Variants in CDK13 observed in about 807,000 individuals in gnomAD.
The protein encoded by CDK13 is cyclin-dependent kinase 13.
A neutral mutation model predicts 137.6 loss-of-function variants in CDK13; 40 were observed. The ratio of observed to expected loss-of-function variants is 0.29; its 90% CI spans 0.23 to 0.38. The LOEUF is 0.38. CDK13 is among the 10% of genes least tolerant of loss of function. The pLI is 1.00. For missense variants in CDK13, 1,704 were observed against 1,951.8 expected (o/e 0.87, Z 2.39); for synonymous variants, 869 against 760.1 (o/e 1.14, Z -2.36).
intron 12 of CDK13, among the ~76,000 whole-genome samples, chr7:40,088,737 T>C (rs951202474): frequency 1.3e-5 from 2 of 152,134 alleles, no homozygotes; most frequent in African/African-American, 4.8e-5. Context: ...ATTTATAGCG[T>C]CCTCATGTCA....
chr7:39,994,988 A>G (rs1220311055), intron 2 of CDK13, among the ~76,000 whole-genome samples: 2 of 151,336 alleles, frequency 1.3e-5, no homozygotes, highest in Non-Finnish European at 2.9e-5. Flanking sequence ...AGACAGCTTT[A>G]TAATATTAGT....
At chr7:40,019,275 T>C (rs1785065302) in intron 5 of CDK13, among the ~76,000 whole-genome samples, 1 of 152,248 alleles carries the variant, frequency 6.6e-6, no homozygotes, top group Non-Finnish European at 1.5e-5. Flanking sequence ...TGCAGCTTAT[T>C]ATTGTCACTT....
intron 6 of CDK13, among the ~76,000 whole-genome samples, chr7:40,047,049 T>G (rs1042741120): frequency 1.3e-5 from 2 of 150,180 alleles, no homozygotes; most frequent in Non-Finnish European, 3.0e-5. Flanking sequence ...AATAATAGTC[T>G]GTAATGCATA....
intron 1 of CDK13, among the ~76,000 whole-genome samples, chr7:39,959,401 T>C (rs1301955811): frequency 6.6e-6 from 1 of 151,984 alleles, no homozygotes; most frequent in Admixed American, 6.6e-5. Context: ...CCTCAGGTGA[T>C]CCACCCGCTT....
chr7:40,013,319 G>C (rs1003328005), intron 5 of CDK13, among the ~76,000 whole-genome samples: 1 of 152,132 alleles, frequency 6.6e-6, no homozygotes, highest in African/African-American at 2.4e-5. Flanking sequence ...AAGAGTTGTG[G>C]AGAGGGGTGG....
intron 5 of CDK13, among the ~76,000 whole-genome samples, chr7:40,033,802 G>C (rs1053002205): frequency 6.6e-6 from 1 of 152,178 alleles, no homozygotes; most frequent in Non-Finnish European, 1.5e-5. Context: ...TAGTGAACCT[G>C]TGTCCCTGGT....
intron 1 of CDK13, among the ~76,000 whole-genome samples, chr7:39,976,323 T>TCTCTCTCTCTCGCTCTCACA: frequency 2.5e-5 from 1 of 39,548 alleles, no homozygotes; most frequent in Non-Finnish European, 5.8e-5. Context: ...TCTCTCTCTC[T>TCTCTCTCTCTCGCTCTCACA]CACACACACA....
At chr7:40,047,189 A>C (rs1439183320) in intron 6 of CDK13, among the ~76,000 whole-genome samples, 2 of 152,196 alleles carry the variant, frequency 1.3e-5, no homozygotes, top group East Asian at 1.9e-4. Context: ...AAGCAGTCAC[A>C]GTTGTAAAGT....
At chr7:39,952,453 G>T (rs1245525914) in intron 1 of CDK13, 1 of 152,166 alleles carries the variant, frequency 6.6e-6, no homozygotes, top group African/African-American at 2.4e-5. Context: ...GTTAAAAAAG[G>T]TATCTATTTA....
intron 5 of CDK13, among the ~76,000 whole-genome samples, chr7:40,028,259 G>A (rs1160655342): frequency 1.4e-5 from 2 of 141,806 alleles, no homozygotes; most frequent in Non-Finnish European, 3.0e-5. Context: ...TCACTCTGTC[G>A]CCAGGCTGGA....
chr7:40,000,384 A>C (rs1784657766), intron 4 of CDK13, among the ~76,000 whole-genome samples: 1 of 152,056 alleles, frequency 6.6e-6, no homozygotes, highest in Non-Finnish European at 1.5e-5. Context: ...ATAAAATAAA[A>C]ACACAAAAAT....
chr7:40,086,152 A>G (rs149406653), intron 11 of CDK13, among the ~76,000 whole-genome samples: 163 of 152,350 alleles, frequency 1.1e-3, no homozygotes, highest in Non-Finnish European at 1.9e-3. Flanking sequence ...TATTGCTAAG[A>G]TTCAACCATA....
intron 7 of CDK13, among the ~76,000 whole-genome samples, chr7:40,050,214 CA>C (rs749224148): frequency 1.4e-4 from 21 of 152,146 alleles, no homozygotes; most frequent in East Asian, 7.7e-4. Flanking sequence ...CTTTAAAGAT[CA>C]AAAAATGTTA....
intron 11 of CDK13, among the ~76,000 whole-genome samples, chr7:40,079,543 C>T (rs1024881328): frequency 6.6e-6 from 1 of 152,138 alleles, no homozygotes; most frequent in African/African-American, 2.4e-5. Context: ...TCATTTATTA[C>T]ATTAATCTTT....
intron 5 of CDK13, among the ~76,000 whole-genome samples, chr7:40,025,642 T>C (rs764390088): frequency 3.3e-5 from 5 of 152,194 alleles, no homozygotes; most frequent in Non-Finnish European, 5.9e-5. Flanking sequence ...AATAATCTTA[T>C]TGAAGAATTT....
intron 9 of CDK13, among the ~76,000 whole-genome samples, chr7:40,066,232 T>A (rs1346638529): frequency 6.6e-6 from 1 of 152,188 alleles, no homozygotes; most frequent in Non-Finnish European, 1.5e-5. Flanking sequence ...CCCATTATTT[T>A]CTTTGATAAA....
intron 5 of CDK13, among the ~76,000 whole-genome samples, chr7:40,028,943 C>CA (rs1211144256): frequency 6.6e-6 from 1 of 151,116 alleles, no homozygotes; most frequent in African/African-American, 2.4e-5. Context: ...TACTATATTA[C>CA]AAAAAAAGGA....
At chr7:40,003,200 A>ACTCT (rs1252886780) in intron 5 of CDK13, among the ~76,000 whole-genome samples, 2,493 of 86,024 alleles carry the variant, frequency 0.029, 22 homozygotes, top group Non-Finnish European at 0.038. Flanking sequence ...ACACACACAC[A>ACTCT]CACACACTCT....
intron 2 of CDK13, among the ~76,000 whole-genome samples, 189 bp from the exon 3 acceptor site, chr7:39,997,305 C>T (rs1784585403): frequency 6.6e-6 from 1 of 152,058 alleles, no homozygotes; most frequent in Non-Finnish European, 1.5e-5. Flanking sequence ...ATCATTTTTA[C>T]TCCAAATTTT....
Sources: gnomAD v4.1 joint callset for allele counts (sites outside exome capture counted in the v4.1 genomes callset) on GRCh38, gnomAD v4.1.1 for gene constraint, MANE v1.5 for transcripts, NCBI Gene and HGNC (gene_info 2026-07-23, HGNC 2026-07-21) for gene names.